DOCK4: variants seen among roughly 807,000 people sequenced by gnomAD.
The protein encoded by DOCK4 is dedicator of cytokinesis 4, also known as dedicator of cytokinesis protein 4.
A neutral mutation model predicts 268.1 loss-of-function variants in DOCK4; 97 were observed. The observed-to-expected ratio is 0.36, with a 90% CI of 0.31 to 0.43. DOCK4 has a LOEUF of 0.43. DOCK4 is among the 20% of genes least tolerant of loss of function. DOCK4 has a pLI of 1.00. For synonymous variants in DOCK4, 954 were observed against 887.2 expected (o/e 1.08, Z -1.34); for missense variants, 2,145 against 2,455.7 (o/e 0.87, Z 2.67).
chr7:112,064,941 A>G (rs1293867337), intron 1 of DOCK4, among the ~76,000 whole-genome samples: 1 of 152,174 alleles, frequency 6.6e-6, no homozygotes, highest in African/African-American at 2.4e-5. Context: ...GCCTCTGGAG[A>G]AACCAAACCT....
chr7:111,739,466 A>C lies in DOCK4; in HGVS notation c.5052T>G (p.Ser1684=), dbSNP rs1277644303. 6.4e-7 allele frequency: 1 copy of C among 1,567,968 alleles called. No homozygotes were observed. Among genetic ancestry groups the C allele is most frequent in the East Asian group, 2.4e-5 (1 of 42,250 alleles). The change falls in exon 48 of 53, where the codon TCT becomes TCG. Residue 1684 remains serine, a synonymous_variant. Transcript: ENST00000428084. The stretch of plus-strand genomic sequence containing the variant: ...AGTGAGTAGAACTCAAGCTTGAGGT[A>C]GATGGACTTGGCTGGAAACACACAG... ...DEVFNMQPSP[S]TSSLSSTHSA...
chr7:111,728,690 C>T lies in DOCK4; in HGVS notation c.5512G>A (p.Val1838Met). The T allele has an allele frequency of 6.2e-7, 1 of 1,613,458 alleles. No individual in the cohort carries two copies. Among genetic ancestry groups the T allele is most frequent in the South Asian group, 1.1e-5 (1 of 91,012 alleles). ...GSVQSFTPSP[V>M]EYHSPGLISN... ...ATGAGTCCTGGCGAGTGGTACTCCA[C>T]TGGAGAGGGGGTGAAAGACTGCACA... Residue 1838 changes from valine (V) to methionine (M), a missense_variant, in exon 53 of 53, where the codon GTG becomes ATG. Coordinates refer to ENST00000428084, the MANE Select transcript of DOCK4 (RefSeq NM_001363540.2).
intron 1 of DOCK4, among the ~76,000 whole-genome samples, chr7:112,111,590 T>G (rs1427750434): frequency 6.6e-6 from 1 of 152,196 alleles, no homozygotes; most frequent in Non-Finnish European, 1.5e-5. Context: ...TTAACCATCT[T>G]AATGTTCATG....
intron 25 of DOCK4, among the ~76,000 whole-genome samples, chr7:111,839,776 A>G (rs866222274): frequency 1.3e-5 from 2 of 152,320 alleles, no homozygotes; most frequent in Middle Eastern, 6.8e-3. Context: ...TATTTTATCC[A>G]TAATGTAATT....
chr7:111,900,625 G>A (rs1169717543), intron 14 of DOCK4, 89 bp from the exon 15 acceptor site: 2 of 1,357,062 alleles, frequency 1.5e-6, no homozygotes, highest in Non-Finnish European at 2.0e-6. Context: ...CTATCTGCCT[G>A]CCTCTCAAAT....
At chr7:111,865,791 ATAT>A (rs1805928143) in intron 22 of DOCK4, among the ~76,000 whole-genome samples, 1 of 152,238 alleles carries the variant, frequency 6.6e-6, no homozygotes, top group South Asian at 2.1e-4. Context: ...AGGATCTGAC[ATAT>A]TGTTGCTGGA....
intron 27 of DOCK4, chr7:111,820,189 G>A (rs1586083874): frequency 6.6e-6 from 1 of 152,250 alleles, no homozygotes; most frequent in Admixed American, 6.5e-5. Flanking sequence ...ATTAAAAGAG[G>A]AGAGGAGAGG....
chr7:112,009,872 A>G (rs1054342366), intron 1 of DOCK4, among the ~76,000 whole-genome samples: 2 of 152,222 alleles, frequency 1.3e-5, no homozygotes, highest in Non-Finnish European at 2.9e-5. Flanking sequence ...GCTGGAGTGC[A>G]GTGGCATGAA....
chr7:111,814,809 A>G (rs1372577313), intron 27 of DOCK4, among the ~76,000 whole-genome samples: 2 of 152,220 alleles, frequency 1.3e-5, no homozygotes, highest in African/African-American at 4.8e-5. Context: ...AGAAAGAGGC[A>G]CAGGGCATTG....
At chr7:111,817,521 A>T (rs1257713374) in intron 27 of DOCK4, among the ~76,000 whole-genome samples, 1 of 152,230 alleles carries the variant, frequency 6.6e-6, no homozygotes, top group African/African-American at 2.4e-5. Flanking sequence ...TCTTACCACA[A>T]AAAACAATGT....
intron 1 of DOCK4, among the ~76,000 whole-genome samples, chr7:112,084,792 G>A (rs1362749138): frequency 1.3e-5 from 2 of 152,044 alleles, no homozygotes; most frequent in Non-Finnish European, 2.9e-5. Flanking sequence ...TGTTACCATT[G>A]TTATGCTACC....
intron 16 of DOCK4, among the ~76,000 whole-genome samples, chr7:111,879,099 A>G (rs1305712095): frequency 6.6e-6 from 1 of 151,946 alleles, no homozygotes; most frequent in Non-Finnish European, 1.5e-5. Flanking sequence ...GAGAAGAGTG[A>G]AAAGTAAAGA....
chr7:112,104,738 G>A (rs1031004271), intron 1 of DOCK4, among the ~76,000 whole-genome samples: 1 of 152,188 alleles, frequency 6.6e-6, no homozygotes, highest in African/African-American at 2.4e-5. Context: ...TAAGGAAGAA[G>A]TTTCAAAATG....
intron 1 of DOCK4, among the ~76,000 whole-genome samples, chr7:112,194,504 G>A (rs1820245984): frequency 6.6e-6 from 1 of 152,132 alleles, no homozygotes; most frequent in Non-Finnish European, 1.5e-5. Flanking sequence ...CATATAACAA[G>A]GAAAGCTACT....
At chr7:111,886,458 G>A (rs558703110) in intron 16 of DOCK4, among the ~76,000 whole-genome samples, 13 of 152,142 alleles carry the variant, frequency 8.5e-5, no homozygotes, top group Admixed American at 3.3e-4. Flanking sequence ...TGTTAATACC[G>A]ATTACAACAC....
At position 112,206,108 on chromosome 7, in the gene DOCK4, C is replaced by A; in HGVS notation, c.31G>T (p.Gly11Cys). MWIPTEHEKYGVVIASFRGTV... is the reference protein window; with the variant it reads MWIPTEHEKYCVVIASFRGTV... Reference sequence around the variant, plus strand: ...TCGCCCCGCGGAGACTCACCCACGCCGTATTTCTCGTGCTCCGTAGGTATC... The same window carrying A: ...TCGCCCCGCGGAGACTCACCCACGCAGTATTTCTCGTGCTCCGTAGGTATC... The change falls in exon 1 of 53, where the codon GGC becomes TGC. Residue 11 changes from glycine to cysteine, a missense_variant. By Grantham distance (159) the Gly-to-Cys change is radical. Around this residue, in one of 2 missense-constraint regions of DOCK4, gnomAD observed 1,598 missense variants for 1,986.7 expected, o/e 0.80. Transcript: ENST00000428084. 6 of 1,585,088 alleles carry A rather than the reference C, an allele frequency of 3.8e-6. No individual in the cohort carries two copies. Among genetic ancestry groups the A allele is most frequent in the Non-Finnish European group, 4.3e-6 (5 of 1,165,386 alleles).
intron 7 of DOCK4, among the ~76,000 whole-genome samples, chr7:111,980,146 T>C (rs1798503196): frequency 6.6e-6 from 1 of 152,162 alleles, no homozygotes; most frequent in Non-Finnish European, 1.5e-5. Context: ...ATGCTAGTAA[T>C]AAGCCTGCCT....
rs879366900 is a variant in DOCK4, at chr7:111,968,599, T to G, written c.701+8533A>C. 2.7e-5 allele frequency among the ~76,000 whole-genome samples: 3 copies of G among 111,076 alleles called. 1 individual carries two copies. The highest frequency in any genetic ancestry group is 5.2e-5 in the Non-Finnish European group (3 of 58,094). The allele number at this position is 111,076 out of a possible 152,430, so 72.9% of individuals were successfully genotyped here. On this transcript the variant is annotated intron_variant, in intron 8 of 52. Transcript: ENST00000428084. ...GGATGTGGAGAAATAGGAACACTTT[T>G]ACACTGTTGGTGGGACTGTAAACTA...
intron 1 of DOCK4, among the ~76,000 whole-genome samples, chr7:112,123,912 T>C (rs1269922928): frequency 6.6e-6 from 1 of 152,172 alleles, no homozygotes; most frequent in Non-Finnish European, 1.5e-5. Flanking sequence ...AGAAGGACTG[T>C]CTATAGTTAT....
Sources: gnomAD v4.1 joint callset for allele counts (sites outside exome capture counted in the v4.1 genomes callset) on GRCh38, gnomAD v4.1.1 for gene constraint, gnomAD v4.1.1 regional missense constraint, MANE v1.5 for transcripts, NCBI Gene and HGNC (gene_info 2026-07-23, HGNC 2026-07-21) for gene names.